Variants in PAX5 observed in about 807,000 individuals in gnomAD.
PAX5 encodes the protein paired box protein Pax-5.
PAX5 carries 9 observed loss-of-function variants against 43.7 expected under a neutral mutation model. The ratio of observed to expected loss-of-function variants is 0.21; its 90% CI spans 0.12 to 0.36. The LOEUF (loss-of-function observed/expected upper bound fraction) is 0.36, where lower values mean the gene tolerates loss of function less well. PAX5 is among the 10% of genes least tolerant of loss of function. PAX5 has a pLI of 1.00. For missense variants in PAX5, 383 were observed against 532.7 expected, an observed-to-expected ratio of 0.72 and a Z score of 2.77; for synonymous variants, 228 against 214.3, an observed-to-expected ratio of 1.06 and a Z score of -0.56.
intron 2 of PAX5, among the ~76,000 whole-genome samples, 162 bp downstream of exon 2, chr9:37,020,474 G>A (rs1274828876): frequency 1.3e-5 from 2 of 152,064 alleles, no homozygotes; most frequent in Non-Finnish European, 2.9e-5. Flanking sequence ...GGTTTCCAAG[G>A]GCTACTTGGA....
chr9:36,967,798 T>C (rs891072189), intron 5 of PAX5, among the ~76,000 whole-genome samples: 1 of 152,220 alleles, frequency 6.6e-6, no homozygotes, highest in African/African-American at 2.4e-5. Context: ...GAAGTTTGAA[T>C]GTACTGCTTA....
At chr9:37,028,625 G>C (rs1279912802) in intron 1 of PAX5, among the ~76,000 whole-genome samples, 2 of 152,234 alleles carry the variant, frequency 1.3e-5, no homozygotes, top group East Asian at 3.9e-4. Flanking sequence ...CTGTCCACCG[G>C]AGAAATTCCG....
chr9:36,910,887 G>C (rs1030952616), intron 7 of PAX5, among the ~76,000 whole-genome samples: 1 of 152,192 alleles, frequency 6.6e-6, no homozygotes, highest in African/African-American at 2.4e-5. Flanking sequence ...CTGGCTGGCA[G>C]CAGAGAAACA....
In PAX5 at chr9:36,838,253, G is replaced by T; in HGVS notation, c.*2307C>A. 1 of 232,898 alleles carries T rather than the reference G, an allele frequency of 4.3e-6. No homozygotes were observed. 14.4% of individuals were successfully genotyped at this position (232,898 alleles called of 1,614,324 possible). A position where few individuals can be genotyped will look rare whatever the true frequency, so the allele number is the denominator to read the frequency against. ...CTCCATCCCTGGCCTGGGTGACCAG[G>T]CTTCCTTGGCAGTTCTTACAGACTG... is the stretch of plus-strand genomic sequence containing the variant. On this transcript the variant is annotated 3_prime_UTR_variant, in exon 10 of 10. Transcript: ENST00000358127.
chr9:36,940,802 T>A (rs1337582007), intron 6 of PAX5, among the ~76,000 whole-genome samples: 6 of 152,202 alleles, frequency 3.9e-5, no homozygotes, highest in African/African-American at 7.2e-5. Flanking sequence ...GATTTTCATC[T>A]GCTTTGTTCT....
chr9:36,877,933 G>A (rs1425389890), intron 8 of PAX5, among the ~76,000 whole-genome samples: 1 of 152,234 alleles, frequency 6.6e-6, no homozygotes, highest in African/African-American at 2.4e-5. Flanking sequence ...AGAAGAGGCA[G>A]ATTCGACACA....
At chr9:36,945,977 A>G (rs1016495950) in intron 6 of PAX5, among the ~76,000 whole-genome samples, 2 of 152,220 alleles carry the variant, frequency 1.3e-5, no homozygotes, top group Non-Finnish European at 2.9e-5. Context: ...GAAAGTGTTC[A>G]GCTTTGAGTT....
intron 8 of PAX5, among the ~76,000 whole-genome samples, chr9:36,875,326 G>A (rs1283932778): frequency 5.9e-5 from 9 of 152,222 alleles, no homozygotes; most frequent in African/African-American, 1.9e-4. Flanking sequence ...ACTGTGCCGG[G>A]AACTAAGGAC....
At chr9:37,022,237 C>CA (rs1415907513) in intron 1 of PAX5, among the ~76,000 whole-genome samples, 6 of 152,154 alleles carry the variant, frequency 3.9e-5, no homozygotes, top group African/African-American at 1.4e-4. Context: ...TTCTGATTTT[C>CA]AAAATGATCT....
intron 5 of PAX5, among the ~76,000 whole-genome samples, chr9:36,987,380 C>A (rs1460896289): frequency 6.6e-6 from 1 of 152,192 alleles, no homozygotes. Context: ...TGCCACAGAG[C>A]GGGTATGTGA....
intron 6 of PAX5, among the ~76,000 whole-genome samples, chr9:36,927,053 G>T (rs1260324434): frequency 6.6e-6 from 1 of 152,172 alleles, no homozygotes; most frequent in Non-Finnish European, 1.5e-5. Flanking sequence ...CCCAGAAACA[G>T]GGCACATGCA....
intron 1 of PAX5, among the ~76,000 whole-genome samples, chr9:37,027,589 C>T (rs550020553): frequency 6.6e-6 from 1 of 152,230 alleles, no homozygotes; most frequent in Non-Finnish European, 1.5e-5. Context: ...CCGCAGTCGG[C>T]TCTGACTGCC....
intron 7 of PAX5, among the ~76,000 whole-genome samples, chr9:36,883,778 T>G (rs1013510827): frequency 2.7e-5 from 4 of 150,822 alleles, no homozygotes; most frequent in African/African-American, 7.3e-5. Context: ...TCTATCAAGA[T>G]TCAAAAAAAA....
intron 8 of PAX5, among the ~76,000 whole-genome samples, chr9:36,849,438 G>A (rs1194832527): frequency 6.6e-6 from 1 of 152,208 alleles, no homozygotes; most frequent in Non-Finnish European, 1.5e-5. Flanking sequence ...GGGGCAGGGA[G>A]TTTTGTCTGT....
chr9:36,938,286 A>G (rs556371624), intron 6 of PAX5, among the ~76,000 whole-genome samples: 2 of 152,298 alleles, frequency 1.3e-5, no homozygotes, highest in Admixed American at 1.3e-4. Flanking sequence ...GCTAATACCT[A>G]TAATTTACTT....
At chr9:36,931,667 G>A (rs542146351) in intron 6 of PAX5, among the ~76,000 whole-genome samples, 31 of 151,882 alleles carry the variant, frequency 2.0e-4, no homozygotes, top group Non-Finnish European at 3.8e-4. Context: ...TGGCCAACAC[G>A]GTGAAACCCC....
intron 6 of PAX5, among the ~76,000 whole-genome samples, chr9:36,951,697 A>G (rs1311775407): frequency 6.6e-6 from 1 of 152,140 alleles, no homozygotes; most frequent in Non-Finnish European, 1.5e-5. Context: ...ATTTATCGAG[A>G]CTACTCAAAT....
At chr9:36,983,710 G>A (rs772091962) in intron 5 of PAX5, among the ~76,000 whole-genome samples, 6 of 152,256 alleles carry the variant, frequency 3.9e-5, no homozygotes, top group Middle Eastern at 3.4e-3. Context: ...CTCAGCTCAA[G>A]GGATCCACCC....
chr9:36,848,047 C>T (rs1030571627), intron 8 of PAX5, among the ~76,000 whole-genome samples: 1 of 152,174 alleles, frequency 6.6e-6, no homozygotes, highest in Non-Finnish European at 1.5e-5. Context: ...CATGGGAGCC[C>T]TTCCCTACTG....
Sources: gnomAD v4.1 joint callset for allele counts (sites outside exome capture counted in the v4.1 genomes callset) on GRCh38, gnomAD v4.1.1 for gene constraint, MANE v1.5 for transcripts, NCBI Gene and HGNC (gene_info 2026-07-23, HGNC 2026-07-21) for gene names.